FRMD4A: variants seen among roughly 807,000 people sequenced by gnomAD.
FRMD4A encodes the protein FERM domain containing 4A.
A neutral mutation model predicts 129.1 loss-of-function variants in FRMD4A; 29 were observed. That is an observed-to-expected ratio of 0.22 (90% CI 0.17 to 0.31). The LOEUF is 0.31. FRMD4A is among the 10% of genes least tolerant of loss of function. The pLI, the probability that FRMD4A is intolerant of heterozygous loss-of-function variation, is 1.00. For synonymous variants in FRMD4A, 634 were observed against 571.6 expected, an observed-to-expected ratio of 1.11 and a Z score of -1.56; for missense variants, 1,272 against 1,375.8, an observed-to-expected ratio of 0.92 and a Z score of 1.19.
At chr10:14,067,448 G>A (rs1055134996) in intron 2 of FRMD4A, among the ~76,000 whole-genome samples, 2 of 151,964 alleles carry the variant, frequency 1.3e-5, no homozygotes, top group African/African-American at 2.4e-5. Flanking sequence ...TAGAACAATC[G>A]GTCAGCTTTA....
intron 2 of FRMD4A, among the ~76,000 whole-genome samples, chr10:14,178,302 T>C (rs1237124923): frequency 6.6e-6 from 1 of 152,232 alleles, no homozygotes; most frequent in African/African-American, 2.4e-5. Flanking sequence ...TATTTTAGAC[T>C]ATTAGGCTAT....
chr10:13,952,170 A>G (rs1362348555), intron 2 of FRMD4A, among the ~76,000 whole-genome samples: 2 of 150,434 alleles, frequency 1.3e-5, no homozygotes, highest in Non-Finnish European at 3.0e-5. Context: ...TTCAAGTAAT[A>G]TATGCTTTTT....
chr10:13,666,964 T>G (rs2083100717), intron 17 of FRMD4A, among the ~76,000 whole-genome samples: 1 of 147,666 alleles, frequency 6.8e-6, no homozygotes, highest in African/African-American at 2.5e-5. Flanking sequence ...CAGGCTGGAG[T>G]GCACTGGTGC....
intron 2 of FRMD4A, among the ~76,000 whole-genome samples, chr10:13,879,685 T>A (rs1232817010): frequency 6.6e-6 from 1 of 150,502 alleles, no homozygotes; most frequent in African/African-American, 2.4e-5. Context: ...CCTTCTTCTT[T>A]CTCTTCCTTT....
intron 12 of FRMD4A, among the ~76,000 whole-genome samples, chr10:13,709,774 G>C (rs1019284612): frequency 5.9e-5 from 9 of 152,120 alleles, no homozygotes; most frequent in Non-Finnish European, 1.2e-4. Context: ...TGCTCAGAAG[G>C]TCCTTGGCTT....
intron 2 of FRMD4A, among the ~76,000 whole-genome samples, chr10:13,979,105 G>A (rs536555658): frequency 3.3e-5 from 5 of 152,196 alleles, no homozygotes; most frequent in African/African-American, 1.2e-4. Flanking sequence ...TTAATCTCCT[G>A]TTATTTGGTT....
At chr10:13,663,565 C>A (rs2082796900) in intron 18 of FRMD4A, 56 bp from the exon 19 acceptor site, 2 of 898,394 alleles carry the variant, frequency 2.2e-6, no homozygotes. Flanking sequence ...CAGCAAAGCC[C>A]TATCTGTAAA....
intron 2 of FRMD4A, among the ~76,000 whole-genome samples, chr10:14,124,624 C>T (rs923961488): frequency 1.3e-5 from 2 of 152,042 alleles, no homozygotes; most frequent in Admixed American, 6.6e-5. Context: ...TGCAGTGAGC[C>T]GAGATCATGC....
At chr10:13,996,992 C>CAAAACAAAAA (rs2095624819) in intron 2 of FRMD4A, among the ~76,000 whole-genome samples, 1 of 31,980 alleles carries the variant, frequency 3.1e-5, no homozygotes, top group East Asian at 0.045. Flanking sequence ...TGAGGCAAAA[C>CAAAACAAAAA]AAAACAAAAC....
intron 2 of FRMD4A, among the ~76,000 whole-genome samples, chr10:14,284,607 C>G (rs181668365): frequency 1.3e-5 from 2 of 152,158 alleles, no homozygotes; most frequent in African/African-American, 2.4e-5. Flanking sequence ...GAGTCGAGAT[C>G]GCGCCACTGC....
intron 2 of FRMD4A, among the ~76,000 whole-genome samples, chr10:14,307,385 C>T (rs531765186): frequency 2.4e-4 from 36 of 152,312 alleles, no homozygotes; most frequent in Middle Eastern, 3.4e-3. Flanking sequence ...AGAGGATGAG[C>T]GCATGACAGA....
intron 2 of FRMD4A, among the ~76,000 whole-genome samples, chr10:13,870,319 C>T (rs1228579742): frequency 6.6e-6 from 1 of 152,272 alleles, no homozygotes; most frequent in Non-Finnish European, 1.5e-5. Context: ...TCGGCCTCAC[C>T]TCACCAGATC....
Position 13,717,692 on chromosome 10 carries a change from G to GTTTTTT in FRMD4A, c.760-10585_760-10580dup, listed in dbSNP as rs35059886. ...CTTTAGGGAGAAACCTGTTGTTCTTGTTTTTTTTTTTTTTTTTTCCAGGGG... is the reference window on the plus strand; with the variant it reads ...CTTTAGGGAGAAACCTGTTGTTCTTGTTTTTTTTTTTTTTTTTTTTTTTTCCAGGGG... On this transcript the variant is annotated intron_variant, in intron 12 of 24. Transcript: ENST00000357447. 5.2e-5 allele frequency among the ~76,000 whole-genome samples: 5 copies of GTTTTTT among 95,248 alleles called. 1 individual carries two copies. Among genetic ancestry groups the GTTTTTT allele is most frequent in the South Asian group, 3.8e-4 (1 of 2,606 alleles). The allele number at this position is 95,248 out of a possible 152,430, so 62.5% of individuals were successfully genotyped here. A position where few individuals can be genotyped will look rare whatever the true frequency, so the allele number is the denominator to read the frequency against.
intron 6 of FRMD4A, among the ~76,000 whole-genome samples, chr10:13,773,968 G>A (rs897838459): frequency 1.3e-4 from 20 of 152,208 alleles, no homozygotes; most frequent in Admixed American, 1.2e-3. Context: ...AACACGCAAC[G>A]TTCCAGGCAG....
chr10:13,872,164 C>T (rs2094445434), intron 2 of FRMD4A, among the ~76,000 whole-genome samples: 1 of 150,018 alleles, frequency 6.7e-6, no homozygotes, highest in Admixed American at 6.6e-5. Flanking sequence ...TTTGCTGCTC[C>T]CTGCTCCTAT....
chr10:13,657,846 A>C (rs551683380), intron 21 of FRMD4A, among the ~76,000 whole-genome samples: 1 of 149,888 alleles, frequency 6.7e-6, no homozygotes, highest in Non-Finnish European at 1.5e-5. Flanking sequence ...AATCCTTAGT[A>C]TCATGTTAAA....
chr10:13,863,805 G>A (rs541317283), intron 2 of FRMD4A, among the ~76,000 whole-genome samples: 66 of 151,410 alleles, frequency 4.4e-4, no homozygotes, highest in African/African-American at 1.6e-3. Flanking sequence ...CTAGAAAGAT[G>A]AGTGACCCTA....
intron 2 of FRMD4A, among the ~76,000 whole-genome samples, chr10:13,898,330 T>C (rs751652436): frequency 1.3e-4 from 20 of 152,030 alleles, no homozygotes; most frequent in Admixed American, 3.3e-4. Context: ...TGTGCCACTG[T>C]ACTCCAGTCT....
chr10:13,886,512 A>T (rs1019102140), intron 2 of FRMD4A, among the ~76,000 whole-genome samples: 1 of 152,240 alleles, frequency 6.6e-6, no homozygotes, highest in African/African-American at 2.4e-5. Flanking sequence ...GTTTTGACAC[A>T]GGTGGGCCTA....
Sources: gnomAD v4.1 joint callset for allele counts (sites outside exome capture counted in the v4.1 genomes callset) on GRCh38, gnomAD v4.1.1 for gene constraint, MANE v1.5 for transcripts, NCBI Gene and HGNC (gene_info 2026-07-23, HGNC 2026-07-21) for gene names.